The following CMTM7 variants were observed in gnomAD, a reference collection of about 807,000 sequenced individuals.
CMTM7 encodes CKLF-like MARVEL transmembrane domain-containing protein 7.
A neutral mutation model predicts 19.3 loss-of-function variants in CMTM7; 7 were observed. That is an observed-to-expected ratio of 0.36 (90% confidence interval 0.21 to 0.68). CMTM7 has a LOEUF of 0.68. CMTM7 is among the 30% of genes least tolerant of loss of function. The probability of loss-of-function intolerance (pLI) is 0.60; values close to 1 mark genes in which losing one functional copy is unlikely to be tolerated. For missense variants in CMTM7, 193 were observed against 232.6 expected, an observed-to-expected ratio of 0.83 and a Z score of 1.11; for synonymous variants, 87 against 99.3, an observed-to-expected ratio of 0.88 and a Z score of 0.74.
intron 1 of CMTM7, among the ~76,000 whole-genome samples, chr3:32,441,092 A>G (rs1460329186): frequency 2.0e-5 from 3 of 152,176 alleles, no homozygotes; most frequent in Non-Finnish European, 4.4e-5. Flanking sequence ...ATGGTTGAGA[A>G]CCCGTCCACC....
Position 32,430,161 on chromosome 3 carries a change from A to G in CMTM7, c.160-11679A>G, listed in dbSNP as rs556920180. Among the ~76,000 whole-genome samples, 13 of 152,080 alleles carry G rather than the reference A, an allele frequency of 8.5e-5. No homozygotes were observed. In the South Asian group the frequency reaches 1.5e-3, roughly 17 times the overall value. On this transcript the variant is annotated intron_variant, in intron 1 of 4. Coordinates refer to ENST00000334983, the MANE Select transcript of CMTM7 (RefSeq NM_138410.4). The stretch of plus-strand genomic sequence containing the variant: ...AGTAAACTGATAGAGTTGTGCAGCC[A>G]TCACTGTAATCCAATTTTTGACACT...
intron 1 of CMTM7, among the ~76,000 whole-genome samples, chr3:32,410,866 T>C (rs1696163020): frequency 1.3e-5 from 2 of 152,142 alleles, no homozygotes; most frequent in Non-Finnish European, 2.9e-5. Context: ...CTCATCAAGC[T>C]CTCAGGGCAG....
intron 1 of CMTM7, among the ~76,000 whole-genome samples, chr3:32,406,735 C>T (rs950252305): frequency 3.3e-5 from 5 of 152,058 alleles, no homozygotes; most frequent in African/African-American, 7.2e-5. Flanking sequence ...GTTTATTGAG[C>T]GAGGAAAGTA....
At chr3:32,450,034 T>C (rs532613770) in intron 3 of CMTM7, among the ~76,000 whole-genome samples, 18 of 152,270 alleles carry the variant, frequency 1.2e-4, no homozygotes, top group Admixed American at 1.0e-3. Flanking sequence ...GAGGCAAAAA[T>C]TGATCCATCT....
chr3:32,412,615 T>TTG, intron 1 of CMTM7, among the ~76,000 whole-genome samples: 1 of 151,870 alleles, frequency 6.6e-6, no homozygotes, highest in Non-Finnish European at 1.5e-5. Flanking sequence ...CTAGCGTTTT[T>TTG]TTTTAAGTTT....
chr3:32,399,044 C>G (rs1366337299), intron 1 of CMTM7, among the ~76,000 whole-genome samples: 1 of 151,956 alleles, frequency 6.6e-6, no homozygotes, highest in Non-Finnish European at 1.5e-5. Flanking sequence ...AGGAGTATCT[C>G]TAGGGCTGGA....
intron 3 of CMTM7, chr3:32,452,005 G>A (rs962574094): frequency 4.6e-6 from 5 of 1,088,858 alleles, no homozygotes; most frequent in East Asian, 5.6e-5. Flanking sequence ...CAAATCATGG[G>A]AACGTTCAGA....
At chr3:32,402,946 G>A (rs1410969511) in intron 1 of CMTM7, among the ~76,000 whole-genome samples, 2 of 152,220 alleles carry the variant, frequency 1.3e-5, no homozygotes, top group Non-Finnish European at 2.9e-5. Context: ...ATGCTTTTGG[G>A]TACAGAGTGA....
chr3:32,425,158 A>G (rs764027397), intron 1 of CMTM7, among the ~76,000 whole-genome samples: 8 of 152,220 alleles, frequency 5.3e-5, no homozygotes, highest in Non-Finnish European at 8.8e-5. Context: ...TGAGGGGCAT[A>G]ATAGGGTTGT....
chr3:32,412,027 A>G (rs1696184421), intron 1 of CMTM7, among the ~76,000 whole-genome samples: 1 of 152,224 alleles, frequency 6.6e-6, no homozygotes, highest in Non-Finnish European at 1.5e-5. Flanking sequence ...GTCAGTTCAT[A>G]AAGTAGGCTT....
In CMTM7 at chr3:32,441,859, T is replaced by C; in HGVS notation, c.179T>C (p.Phe60Ser). Residue 60 changes from phenylalanine (F) to serine (S), a missense_variant, in exon 2 of 5, where the codon TTC becomes TCC. Phe to Ser is a radical substitution (Grantham distance 155). Transcript: ENST00000334983. The stretch of plus-strand genomic sequence containing the variant: ...TGGCAGGTCACCCTGCTGATTGCCT[T>C]CATCTGTGTGCGGAGCTCCCTGTGG... The part of the protein sequence containing the change: ...VAQMVTLLIA[F>S]ICVRSSLWTN... The C allele has an allele frequency of 6.2e-7, 1 of 1,614,194 alleles. No individual in the cohort carries two copies. The highest frequency in any genetic ancestry group is 8.5e-7 in the Non-Finnish European group (1 of 1,180,014).
In CMTM7 at chr3:32,452,919, ATTTTTTTTTTTTTTTTTTTT is replaced by A. The variant is rs368112448; in HGVS notation, c.514+461_514+480del. Among the ~76,000 whole-genome samples the A allele has an allele frequency of 8.5e-5, 3 of 35,320 alleles. No individual in the cohort carries two copies. The Admixed American group carries it at 1.5e-3, about 17-fold the overall frequency. 23.2% of individuals were successfully genotyped at this position (35,320 alleles called of 152,430 possible). On this transcript the variant is annotated intron_variant, in intron 4 of 4. Transcript: ENST00000334983. ...GTGTGCACCACCATGCCTAATTTCAATTTTTTTTTTTTTTTTTTTTTTTTTTTTTTTTTTAGAGTTGGAGT... is the reference window on the plus strand; with the variant it reads ...GTGTGCACCACCATGCCTAATTTCAATTTTTTTTTTTTTTAGAGTTGGAGT...
intron 1 of CMTM7, among the ~76,000 whole-genome samples, chr3:32,440,534 T>G (rs1241533170): frequency 2.0e-5 from 3 of 152,338 alleles, no homozygotes; most frequent in East Asian, 3.9e-4. Context: ...TCCCAGCACT[T>G]TGGGAGGCCA....
At chr3:32,414,033 C>G (rs999239121) in intron 1 of CMTM7, among the ~76,000 whole-genome samples, 1 of 152,176 alleles carries the variant, frequency 6.6e-6, no homozygotes, top group African/African-American at 2.4e-5. Context: ...ACAGAGAAAA[C>G]TCTGAAGAGC....
intron 1 of CMTM7, among the ~76,000 whole-genome samples, chr3:32,434,705 T>A (rs1257953476): frequency 6.6e-6 from 1 of 151,976 alleles, no homozygotes; most frequent in Non-Finnish European, 1.5e-5. Flanking sequence ...TAAAAACTTT[T>A]AACTTTAGTC....
intron 3 of CMTM7, 166 bp from the exon 4 acceptor site, chr3:32,452,226 C>A: frequency 6.6e-7 from 1 of 1,521,134 alleles, no homozygotes; most frequent in Non-Finnish European, 8.8e-7. Context: ...GCGGGGCTTC[C>A]TCTCTGCACC....
chr3:32,439,498 G>C (rs1050990834), intron 1 of CMTM7, among the ~76,000 whole-genome samples: 1 of 152,216 alleles, frequency 6.6e-6, no homozygotes, highest in Non-Finnish European at 1.5e-5. Context: ...CTGTCTTGCA[G>C]GCTGGAGTGC....
At position 32,439,179 on chromosome 3, in the gene CMTM7, A is replaced by G. The variant is rs117521161; in HGVS notation, c.160-2661A>G. Among the ~76,000 whole-genome samples the G allele has an allele frequency of 8.5e-4, 129 of 152,300 alleles. 2 individuals are homozygous for G. In the East Asian group the frequency reaches 0.023, roughly 27 times the overall value. On this transcript the variant is annotated intron_variant, in intron 1 of 4. Coordinates refer to ENST00000334983, the MANE Select transcript of CMTM7 (RefSeq NM_138410.4). Reference sequence around the variant, plus strand: ...ACCATGGCTGGCTAGCTTCAGAGGAACCGAAAAAATGAAAACACTTGCGTT... The same window carrying G: ...ACCATGGCTGGCTAGCTTCAGAGGAGCCGAAAAAATGAAAACACTTGCGTT...
At chr3:32,452,310 C>T (rs1696849507) in intron 3 of CMTM7, 82 bp from the exon 4 acceptor site, 6 of 1,609,940 alleles carry the variant, frequency 3.7e-6, no homozygotes, top group South Asian at 3.3e-5. Flanking sequence ...AGGGAACAAG[C>T]ACAGAGATGA....
Sources: allele counts gnomAD v4.1 joint callset (sites outside exome capture counted in the v4.1 genomes callset), GRCh38; gene constraint gnomAD v4.1.1; transcripts MANE v1.5; gene names NCBI Gene and HGNC (gene_info 2026-07-23, HGNC 2026-07-21).